The following MAPK10 variants were observed in gnomAD, a reference collection of about 807,000 sequenced individuals.
MAPK10 encodes mitogen-activated protein kinase 10.
MAPK10 carries 25 observed loss-of-function variants against 59.3 expected under a neutral mutation model. The ratio of observed to expected loss-of-function variants is 0.42; its 90% confidence interval spans 0.31 to 0.59. MAPK10 has a LOEUF of 0.59. MAPK10 is among the 20% of genes least tolerant of loss of function. The pLI, the probability that MAPK10 is intolerant of heterozygous loss-of-function variation, is 0.15. For missense variants in MAPK10, 351 were observed against 568.9 expected (o/e 0.62, Z 3.90); for synonymous variants, 190 against 200.5 (o/e 0.95, Z 0.44).
chr4:86,048,765 T>C (rs2042975109), intron 11 of MAPK10, among the ~76,000 whole-genome samples: 2 of 152,148 alleles, frequency 1.3e-5, no homozygotes, highest in African/African-American at 4.8e-5. Flanking sequence ...GATTTGAGTA[T>C]ACTTCACTAA....
rs114524717 is a variant in MAPK10 at position 86,421,264 on chromosome 4, C to T, written c.-122+31766G>A. Among the ~76,000 whole-genome samples, 1,002 of 152,134 alleles carry T rather than the reference C, an allele frequency of 6.6e-3. 7 individuals carry two copies. The highest frequency in any genetic ancestry group is 0.016 in the East Asian group (84 of 5,170). On this transcript the variant is annotated intron_variant, in intron 1 of 13. Coordinates refer to the MAPK10 transcript ENST00000361569. ...TTGGTACACTGACTGACAACAATAC[C>T]TACCACTTGATTATATTGCTTTGGA...
intron 11 of MAPK10, among the ~76,000 whole-genome samples, chr4:86,056,668 A>G (rs1453089388): frequency 6.7e-6 from 1 of 150,148 alleles, no homozygotes; most frequent in Non-Finnish European, 1.5e-5. Context: ...AGTCAGTGAT[A>G]ATAAGGAATG....
intron 13 of MAPK10, chr4:86,027,354 T>C (rs1750870403): frequency 6.6e-6 from 1 of 152,202 alleles, no homozygotes; most frequent in Non-Finnish European, 1.5e-5. Context: ...CTAAGTTGCA[T>C]ATTTTAGAAT....
chr4:86,045,355 T>A (rs1372921945), intron 11 of MAPK10, among the ~76,000 whole-genome samples: 6 of 152,072 alleles, frequency 3.9e-5, no homozygotes, highest in Non-Finnish European at 8.8e-5. Context: ...ATTCGTTCAT[T>A]TAACACATAT....
chr4:86,579,317 T>A (rs1352424419), intron 1 of MAPK10, among the ~76,000 whole-genome samples: 1 of 152,184 alleles, frequency 6.6e-6, no homozygotes, highest in Non-Finnish European at 1.5e-5. Flanking sequence ...AGGTACTTTT[T>A]GTTTTCTTTT....
At chr4:86,054,765 G>T (rs1267214068) in intron 11 of MAPK10, among the ~76,000 whole-genome samples, 2 of 152,084 alleles carry the variant, frequency 1.3e-5, no homozygotes, top group Non-Finnish European at 2.9e-5. Context: ...ACAGATAGAT[G>T]GTACTAAACT....
chr4:86,056,504 T>G (rs556339591), intron 11 of MAPK10, among the ~76,000 whole-genome samples: 1 of 150,224 alleles, frequency 6.7e-6, no homozygotes, highest in African/African-American at 2.5e-5. Context: ...GAGAATTCAG[T>G]AAAAGACAAC....
At chr4:86,222,766 C>A (rs920865446) in intron 2 of MAPK10, among the ~76,000 whole-genome samples, 1 of 152,184 alleles carries the variant, frequency 6.6e-6, no homozygotes, top group African/African-American at 2.4e-5. Context: ...GATCTATGCA[C>A]CCCCTAATAG....
At chr4:86,098,313 A>G in intron 9 of MAPK10, 1 of 511,466 alleles carries the variant, frequency 2.0e-6, no homozygotes, top group Non-Finnish European at 3.0e-6. Context: ...ATTTTAGAAG[A>G]AAAAAGCCCA....
chr4:86,577,288 G>A (rs1395306018), intron 1 of MAPK10, among the ~76,000 whole-genome samples: 1 of 152,054 alleles, frequency 6.6e-6, no homozygotes, highest in East Asian at 1.9e-4. Context: ...TCTAGTCTGG[G>A]TGACAGAGAA....
intron 1 of MAPK10, among the ~76,000 whole-genome samples, chr4:86,434,240 A>G (rs1748415104): frequency 1.3e-5 from 2 of 152,202 alleles, no homozygotes; most frequent in Non-Finnish European, 2.9e-5. Flanking sequence ...GGTCTGGGCA[A>G]AGAGTTTTTG....
In MAPK10 at chr4:86,471,724, T is replaced by G. The variant is rs577274488; in HGVS notation, c.-262-117080A>C. On this transcript the variant is annotated intron_variant, in intron 1 of 4. Coordinates refer to the MAPK10 transcript ENST00000502302. ...AATTAAAATGCCTGAAAGATATTTT[T>G]TGCCTGCAGCAAAAATTGTTACTTA... Among the ~76,000 whole-genome samples, 10 of 152,324 alleles carry G rather than the reference T, an allele frequency of 6.6e-5. No individual in the cohort carries two copies. In the South Asian group the frequency reaches 2.1e-3, roughly 32 times the overall value.
chr4:86,359,369 G>C (rs1736290922), intron 1 of MAPK10, among the ~76,000 whole-genome samples: 1 of 138,324 alleles, frequency 7.2e-6, no homozygotes, highest in Non-Finnish European at 1.5e-5. Context: ...GCCCTGCATT[G>C]GTCTAAAAAC....
At chr4:86,547,933 G>A (rs533770432) in intron 1 of MAPK10, among the ~76,000 whole-genome samples, 12 of 152,158 alleles carry the variant, frequency 7.9e-5, no homozygotes, top group East Asian at 1.9e-4. Context: ...ACCAATCAGC[G>A]CCCTGTCAAA....
At chr4:86,528,240 C>G (rs771211015) in intron 1 of MAPK10, among the ~76,000 whole-genome samples, 6 of 151,936 alleles carry the variant, frequency 3.9e-5, no homozygotes, top group Admixed American at 6.6e-5. Flanking sequence ...GGAAATATAT[C>G]TAACCCATAT....
intron 2 of MAPK10, among the ~76,000 whole-genome samples, chr4:86,239,813 G>T (rs1433922918): frequency 2.7e-5 from 4 of 150,908 alleles, no homozygotes; most frequent in African/African-American, 4.9e-5. Context: ...ACAGATCCTG[G>T]ATTCATTGAG....
At chr4:86,137,005 C>A (rs564918089) in intron 4 of MAPK10, among the ~76,000 whole-genome samples, 18 of 152,106 alleles carry the variant, frequency 1.2e-4, no homozygotes, top group African/African-American at 4.3e-4. Flanking sequence ...TATATATGCA[C>A]CCAATACAGG....
At chr4:86,439,714 C>A (rs890337442) in intron 1 of MAPK10, among the ~76,000 whole-genome samples, 1 of 152,146 alleles carries the variant, frequency 6.6e-6, no homozygotes, top group Non-Finnish European at 1.5e-5. Context: ...CTACCAGCAA[C>A]GTGTGAGAGT....
intron 1 of MAPK10, among the ~76,000 whole-genome samples, chr4:86,584,019 G>C (rs1326664890): frequency 6.6e-6 from 1 of 152,184 alleles, no homozygotes; most frequent in African/African-American, 2.4e-5. Flanking sequence ...ATGAATGTAT[G>C]AATGTGTGTG....
Sources: allele counts gnomAD v4.1 joint callset (sites outside exome capture counted in the v4.1 genomes callset), GRCh38; gene constraint gnomAD v4.1.1; transcripts MANE v1.5; gene names NCBI Gene and HGNC (gene_info 2026-07-23, HGNC 2026-07-21).